Variants in ANO3 observed in about 807,000 individuals in gnomAD.
ANO3 encodes anoctamin 3.
In ANO3, 99 loss-of-function variants were observed where a neutral mutation model predicts 144.8. The ratio of observed to expected loss-of-function variants is 0.68; its 90% CI spans 0.58 to 0.81. The LOEUF is 0.81. Among genes scored for constraint, ANO3 ranks in the 30% least tolerant of loss-of-function variants. The pLI is 0.00. For missense variants in ANO3, 905 were observed against 1,202.2 expected, an observed-to-expected ratio of 0.75 and a Z score of 3.66; for synonymous variants, 414 against 392.6, an observed-to-expected ratio of 1.05 and a Z score of -0.64.
chr11:26,465,719 C>T (rs1435009371), intron 4 of ANO3, among the ~76,000 whole-genome samples: 1 of 151,820 alleles, frequency 6.6e-6, no homozygotes, highest in Non-Finnish European at 1.5e-5. Context: ...CAAAGAAATA[C>T]AGAAAAACAT....
intron 14 of ANO3, chr11:26,561,047 G>T (rs767780292): frequency 5.0e-6 from 8 of 1,596,376 alleles, no homozygotes; most frequent in Non-Finnish European, 6.0e-6. Flanking sequence ...GCTGTTTAAC[G>T]CCTTTTTGCT....
chr11:26,324,995 AC>A, intron 1 of ANO3, among the ~76,000 whole-genome samples: 1 of 152,292 alleles, frequency 6.6e-6, no homozygotes, highest in East Asian at 1.9e-4. Flanking sequence ...TTTCCTGGTA[AC>A]AAAATCTGAT....
chr11:26,374,967 C>T (rs1337657366), intron 1 of ANO3, among the ~76,000 whole-genome samples: 1 of 152,188 alleles, frequency 6.6e-6, no homozygotes, highest in East Asian at 1.9e-4. Context: ...TGGTCTTTAA[C>T]TTCTGAACTC....
chr11:26,616,115 T>C (rs997290758), intron 17 of ANO3, among the ~76,000 whole-genome samples: 2 of 152,210 alleles, frequency 1.3e-5, no homozygotes, highest in Non-Finnish European at 2.9e-5. Flanking sequence ...CCTTTTAAGG[T>C]CTGTAATTAT....
intron 1 of ANO3, among the ~76,000 whole-genome samples, chr11:26,441,292 T>C (rs1692974812): frequency 6.6e-6 from 1 of 151,116 alleles, no homozygotes; most frequent in African/African-American, 2.4e-5. Context: ...TAATTTTTTG[T>C]ATTTTTAGTA....
intron 1 of ANO3, among the ~76,000 whole-genome samples, chr11:26,260,620 A>T (rs1853165563): frequency 6.6e-6 from 1 of 152,170 alleles, no homozygotes; most frequent in Admixed American, 6.5e-5. Context: ...AAAGATCCTG[A>T]TCTTAACCAA....
chr11:26,330,420 T>C (rs1416193116), upstream of ANO3, among the ~76,000 whole-genome samples: 3 of 152,202 alleles, frequency 2.0e-5, no homozygotes, highest in Non-Finnish European at 4.4e-5. Flanking sequence ...CACACTGAGT[T>C]CATTGTCTGT....
chr11:26,574,167 G>T (rs1202412388), intron 14 of ANO3, among the ~76,000 whole-genome samples: 2 of 152,062 alleles, frequency 1.3e-5, no homozygotes, highest in Admixed American at 6.6e-5. Flanking sequence ...CTCACCAATT[G>T]CTTTACACTC....
intron 17 of ANO3, among the ~76,000 whole-genome samples, chr11:26,611,724 G>A (rs917113936): frequency 2.6e-5 from 4 of 152,014 alleles, no homozygotes; most frequent in Non-Finnish European, 4.4e-5. Context: ...TCCCACAATT[G>A]TATTGTAGTC....
At chr11:26,267,396 C>T (rs893157653) in intron 1 of ANO3, among the ~76,000 whole-genome samples, 2 of 152,180 alleles carry the variant, frequency 1.3e-5, no homozygotes, top group Non-Finnish European at 2.9e-5. Context: ...TATTACATGT[C>T]AAGTATTTCC....
chr11:26,263,766 C>T (rs1365383835), intron 1 of ANO3, among the ~76,000 whole-genome samples: 2 of 152,126 alleles, frequency 1.3e-5, no homozygotes, highest in African/African-American at 4.8e-5. Flanking sequence ...TCATTCACAT[C>T]ATATTGGTTT....
intron 14 of ANO3, among the ~76,000 whole-genome samples, chr11:26,576,635 C>T (rs2132845555): frequency 6.6e-6 from 1 of 152,220 alleles, no homozygotes; most frequent in Admixed American, 6.5e-5. Context: ...TTTTTCCTGA[C>T]CTATTCTCAC....
intron 1 of ANO3, among the ~76,000 whole-genome samples, chr11:26,200,048 G>A (rs1022203151): frequency 6.6e-6 from 1 of 152,102 alleles, no homozygotes; most frequent in South Asian, 2.1e-4. Flanking sequence ...AGACTATGAG[G>A]CTTCGAACTG....
At chr11:26,402,859 TA>T (rs2133976218) in intron 1 of ANO3, among the ~76,000 whole-genome samples, 1 of 152,002 alleles carries the variant, frequency 6.6e-6, no homozygotes, top group Non-Finnish European at 1.5e-5. Context: ...GAATTTAAAA[TA>T]AAAATTAAAA....
At chr11:26,656,519 A>T in intron 26 of ANO3, 38 bp downstream of exon 26, 1 of 1,295,390 alleles carries the variant, frequency 7.7e-7, no homozygotes, top group Non-Finnish European at 1.1e-6. Flanking sequence ...CTATAGATAA[A>T]TGCTTTTCTA....
intron 1 of ANO3, among the ~76,000 whole-genome samples, chr11:26,259,512 G>A (rs1853135405): frequency 6.7e-6 from 1 of 148,500 alleles, no homozygotes. Flanking sequence ...GCCTGGCATG[G>A]TGGTGTGTGC....
intron 1 of ANO3, among the ~76,000 whole-genome samples, chr11:26,390,002 G>A (rs1438827123): frequency 6.6e-6 from 1 of 152,136 alleles, no homozygotes; most frequent in South Asian, 2.1e-4. Context: ...GTTGATAGCA[G>A]ATGTAAAAGT....
At chr11:26,652,978 A>G (rs374497496) in intron 24 of ANO3, among the ~76,000 whole-genome samples, 54 of 152,062 alleles carry the variant, frequency 3.6e-4, no homozygotes, top group African/African-American at 1.3e-3. Context: ...TTTTCCTGCT[A>G]CCCCACCAGC....
chr11:26,369,481 G>T (rs1590300239), intron 1 of ANO3, among the ~76,000 whole-genome samples: 1 of 151,786 alleles, frequency 6.6e-6, no homozygotes, highest in East Asian at 1.9e-4. Flanking sequence ...GAGATCTGAG[G>T]CTAAGAGGTA....
Sources: gnomAD v4.1 joint callset for allele counts (sites outside exome capture counted in the v4.1 genomes callset) on GRCh38, gnomAD v4.1.1 for gene constraint, MANE v1.5 for transcripts, NCBI Gene and HGNC (gene_info 2026-07-23, HGNC 2026-07-21) for gene names.